OGT: variants seen among roughly 807,000 people sequenced by gnomAD.
OGT encodes UDP-N-acetylglucosamine--peptide N-acetylglucosaminyltransferase 110 kDa subunit.
OGT carries 3 observed loss-of-function variants against 75.8 expected under a neutral mutation model. That is an observed-to-expected ratio of 0.04 (90% CI 0.02 to 0.10). The LOEUF (loss-of-function observed/expected upper bound fraction) is 0.10. OGT is among the 10% of genes least tolerant of loss of function. The pLI, the probability that OGT is intolerant of heterozygous loss-of-function variation, is 1.00. For missense variants in OGT, 260 were observed against 824.4 expected, an observed-to-expected ratio of 0.32 and a Z score of 8.38; for synonymous variants, 257 against 289.7, an observed-to-expected ratio of 0.89 and a Z score of 1.15.
intron 4 of OGT, chrX:71,544,919 T>G: frequency 7.4e-6 from 2 of 271,857 alleles, no homozygotes; most frequent in East Asian, 6.1e-5. Flanking sequence ...ATAAATAACA[T>G]TCCTTCAAAT....
rs763140998 is a variant in OGT at position 71,559,430 on chromosome X, G to A, written c.1761+5G>A. On this transcript the variant is annotated splice_donor_5th_base_variant and intron_variant, in intron 13 of 21. Transcript: ENST00000373719. ...CACAATCCTGATAAATTTGAGGTAA[G>A]ACTAGTGTTTCTCTAGAATCACTAT... 2 of 1,197,590 alleles carry A rather than the reference G, an allele frequency of 1.7e-6. No individual in the cohort carries two copies. Among genetic ancestry groups the A allele is most frequent in the Admixed American group, 4.5e-5 (2 of 44,535 alleles).
At position 71,562,974 on chromosome X, in the gene OGT, C is replaced by CT; in HGVS notation, c.2112dup (p.Ile705TyrfsTer3). 1 of 1,210,129 alleles carries CT rather than the reference C, an allele frequency of 8.3e-7. No homozygotes were observed. Among genetic ancestry groups the CT allele is most frequent in the Non-Finnish European group, 1.1e-6 (1 of 894,318 alleles). On this transcript the variant is annotated frameshift_variant, in exon 16 of 22. Transcript: ENST00000373719. LOFTEE classifies it high-confidence loss of function. ...GAGAAATTGGCTTATATGCCCCACA[C>CT]TTTTTTTATTGGTGATCATGCTAAT...
At chrX:71,559,135 C>T in intron 12 of OGT, 132 bp from the exon 13 acceptor site, 1 of 520,221 alleles carries the variant, frequency 1.9e-6, no homozygotes, top group Non-Finnish European at 3.1e-6. Flanking sequence ...ATCTCTCTGG[C>T]AATATTAACT....
chrX:71,567,191 G>A (rs949065164), intron 19 of OGT, among the ~76,000 whole-genome samples: 3 of 112,419 alleles, frequency 2.7e-5, no homozygotes, highest in East Asian at 2.8e-4. Flanking sequence ...GTATCATAGT[G>A]GGGGATTTGA....
chrX:71,556,622 T>C, intron 8 of OGT, 58 bp from the exon 9 acceptor site: 1 of 715,347 alleles, frequency 1.4e-6, no homozygotes, highest in Non-Finnish European at 2.0e-6. Context: ...TTGTGGTGAA[T>C]TATTACTGCT....
intron 18 of OGT, among the ~76,000 whole-genome samples, chrX:71,563,735 C>T (rs1050395287): frequency 8.9e-6 from 1 of 111,984 alleles, no homozygotes; most frequent in African/African-American, 3.2e-5. Context: ...TTATTCCCTG[C>T]CTGTGGCTTT....
intron 3 of OGT, among the ~76,000 whole-genome samples, chrX:71,538,305 A>G (rs1356475363): frequency 8.9e-6 from 1 of 112,626 alleles, no homozygotes; most frequent in Non-Finnish European, 1.9e-5. Flanking sequence ...AAGAAACTAC[A>G]TCAATTTTAA....
chrX:71,569,495 CTTTTA>C (rs1268710727), intron 21 of OGT, among the ~76,000 whole-genome samples: 1 of 110,570 alleles, frequency 9.0e-6, no homozygotes. Flanking sequence ...TTCTTTCATT[CTTTTA>C]TTTTTTTTGA....
chrX:71,573,565 G>A (rs1269015331), intron 21 of OGT, 55 bp from the exon 22 acceptor site: 11 of 1,063,162 alleles, frequency 1.0e-5, no homozygotes, highest in East Asian at 6.2e-5. Flanking sequence ...TATAGGGTGT[G>A]TTTCTGAGTT....
chrX:71,569,009 T>C (rs2040435616), intron 21 of OGT, among the ~76,000 whole-genome samples: 1 of 111,803 alleles, frequency 8.9e-6, no homozygotes, highest in Non-Finnish European at 1.9e-5. Context: ...GGTACAGCCC[T>C]TCCTCAGAGT....
chrX:71,559,504 A>T, intron 13 of OGT, 79 bp downstream of exon 13: 1 of 1,142,010 alleles, frequency 8.8e-7, no homozygotes, highest in Non-Finnish European at 1.2e-6. Flanking sequence ...ACCATGAGGC[A>T]TGGAAACCTA....
chrX:71,564,098 A>G (rs1009772450), intron 18 of OGT, among the ~76,000 whole-genome samples: 2 of 112,190 alleles, frequency 1.8e-5, no homozygotes, highest in African/African-American at 6.5e-5. Context: ...AAGAGAGTGT[A>G]AGGCAAAGAT....
chrX:71,559,092 T>TA (rs1468590695), intron 12 of OGT, among the ~76,000 whole-genome samples, 175 bp from the exon 13 acceptor site: 1 of 109,306 alleles, frequency 9.1e-6, no homozygotes, highest in Non-Finnish European at 1.9e-5. Context: ...CAGGTCAAAG[T>TA]ATGAAGCATA....
rs1425180847 is a variant in OGT, at chrX:71,539,220, T to C, written c.462+1148T>C. On this transcript the variant is annotated intron_variant, in intron 3 of 21. Coordinates refer to ENST00000373719, the MANE Select transcript of OGT (RefSeq NM_181672.3). ...TCATATTTTGCTGTCCCTTATTTTTTGGTTAGGAAACTGAAACTAAATTTA... is the reference window on the plus strand; with the variant it reads ...TCATATTTTGCTGTCCCTTATTTTTCGGTTAGGAAACTGAAACTAAATTTA... Among the ~76,000 whole-genome samples, 6 of 113,025 alleles carry C rather than the reference T, an allele frequency of 5.3e-5. No individual in the cohort carries two copies. In the Admixed American group the frequency reaches 5.6e-4, roughly 11 times the overall value.
At chrX:71,556,808 A>G in intron 9 of OGT, 28 bp downstream of exon 9, 1 of 1,071,471 alleles carries the variant, frequency 9.3e-7, no homozygotes, top group Non-Finnish European at 1.3e-6. Flanking sequence ...CCTTATTTTT[A>G]AAATTATTTT....
At chrX:71,546,379 G>A in intron 4 of OGT, 1 of 754,113 alleles carries the variant, frequency 1.3e-6, no homozygotes, top group Non-Finnish European at 1.6e-6. Context: ...TATTCCATGC[G>A]TAAGGTGCCT....
rs2040257886 is a variant in OGT, at chrX:71,546,099, A to G, written c.531+1464A>G. On this transcript the variant is annotated intron_variant, in intron 4 of 21. Transcript: ENST00000373719. ...CAGCATATTCCTAGTAGATGGAAGC[A>G]AAATTAAGTTGTCTTTGTAGAAAAT... is the stretch of plus-strand genomic sequence containing the variant. 1.2e-5 allele frequency: 9 copies of G among 736,294 alleles called. No individual in the cohort carries two copies. In the African/African-American group the frequency reaches 1.9e-4, roughly 15 times the overall value. 60.7% of individuals were successfully genotyped at this position (736,294 alleles called of 1,213,427 possible). A position where few individuals can be genotyped will look rare whatever the true frequency, so the allele number is the denominator to read the frequency against.
chrX:71,563,181 A>T lies in OGT; in HGVS notation c.2200A>T (p.Ile734Leu). The T allele has an allele frequency of 8.3e-7, 1 of 1,211,874 alleles. No homozygotes were observed. Among genetic ancestry groups the T allele is most frequent in the Non-Finnish European group, 1.1e-6 (1 of 895,360 alleles). Residue 734 changes from isoleucine to leucine, a missense_variant, in exon 17 of 22, where the codon ATA becomes TTA. Coordinates refer to ENST00000373719, the MANE Select transcript of OGT (RefSeq NM_181672.3). Reference sequence around the variant, plus strand: ...CAATGGGCACATTTATGACAATCGGATAGTTCTGAATGGCATCGACCTCAA... The same window carrying T: ...CAATGGGCACATTTATGACAATCGGTTAGTTCTGAATGGCATCGACCTCAA... ...KSNGHIYDNR[I>L]VLNGIDLKAF...
At chrX:71,562,005 A>G in intron 15 of OGT, 105 bp downstream of exon 15, 1 of 826,010 alleles carries the variant, frequency 1.2e-6, no homozygotes, top group Non-Finnish European at 1.7e-6. Flanking sequence ...ACTGTAGGGC[A>G]GACATACTTT....
Sources: gnomAD v4.1 joint callset for allele counts (sites outside exome capture counted in the v4.1 genomes callset) on GRCh38, gnomAD v4.1.1 for gene constraint, MANE v1.5 for transcripts, NCBI Gene and HGNC (gene_info 2026-07-23, HGNC 2026-07-21) for gene names.